The following LHFPL3 variants were observed in gnomAD, a reference collection of about 807,000 sequenced individuals.
The protein encoded by LHFPL3 is LHFPL tetraspan subfamily member 3, also known as LHFPL tetraspan subfamily member 3 protein.
A neutral mutation model predicts 19.3 loss-of-function variants in LHFPL3; 5 were observed. The observed-to-expected ratio is 0.26, with a 90% CI of 0.14 to 0.54. The LOEUF is 0.54. Ranked by LOEUF, LHFPL3 falls within the 20% of genes least tolerant of loss-of-function variation. The pLI, the probability that LHFPL3 is intolerant of heterozygous loss-of-function variation, is 0.94. For missense variants in LHFPL3, 249 were observed against 307.4 expected (o/e 0.81, Z 1.42); for synonymous variants, 133 against 126.2 (o/e 1.05, Z -0.36).
chr7:104,354,237 C>T (rs1790230559), intron 1 of LHFPL3, among the ~76,000 whole-genome samples: 1 of 152,238 alleles, frequency 6.6e-6, no homozygotes, highest in South Asian at 2.1e-4. Context: ...TTGCTGACGA[C>T]TGCACAGTAC....
At chr7:104,341,479 C>T (rs1227192706) in intron 1 of LHFPL3, among the ~76,000 whole-genome samples, 21 of 152,206 alleles carry the variant, frequency 1.4e-4, no homozygotes, top group Non-Finnish European at 4.4e-5. Context: ...TTTACATATT[C>T]ATCCAAATTC....
chr7:104,578,738 T>G (rs1173142187), intron 1 of LHFPL3, among the ~76,000 whole-genome samples: 1 of 152,082 alleles, frequency 6.6e-6, no homozygotes, highest in Non-Finnish European at 1.5e-5. Context: ...ACTATACCCC[T>G]TAATCTCTTC....
intron 1 of LHFPL3, among the ~76,000 whole-genome samples, chr7:104,549,330 C>T (rs1794627166): frequency 6.6e-6 from 1 of 151,858 alleles, no homozygotes; most frequent in Non-Finnish European, 1.5e-5. Flanking sequence ...CAGTGTTACG[C>T]ACATGGTAAA....
intron 1 of LHFPL3, among the ~76,000 whole-genome samples, chr7:104,568,611 T>C (rs537482762): frequency 1.3e-5 from 2 of 152,242 alleles, no homozygotes; most frequent in Non-Finnish European, 2.9e-5. Flanking sequence ...TCTAGCCTAC[T>C]GGTGTCTGTA....
chr7:104,520,497 G>A (rs1345259428), intron 1 of LHFPL3, among the ~76,000 whole-genome samples: 1 of 143,244 alleles, frequency 7.0e-6, no homozygotes, highest in Non-Finnish European at 1.5e-5. Flanking sequence ...TTTTTCTATT[G>A]ATTGGAATAG....
chr7:104,801,561 G>T (rs1790246391), intron 2 of LHFPL3, among the ~76,000 whole-genome samples: 1 of 151,720 alleles, frequency 6.6e-6, no homozygotes, highest in Admixed American at 6.6e-5. Flanking sequence ...ATGTTTGTTT[G>T]TTTTGTTTTG....
At chr7:104,842,438 T>G (rs1281748225) in intron 2 of LHFPL3, among the ~76,000 whole-genome samples, 1 of 152,078 alleles carries the variant, frequency 6.6e-6, no homozygotes, top group Non-Finnish European at 1.5e-5. Flanking sequence ...AGACTGCCAT[T>G]GAACACTTGA....
chr7:104,709,982 T>G (rs1584491388), intron 1 of LHFPL3, among the ~76,000 whole-genome samples: 1 of 151,850 alleles, frequency 6.6e-6, no homozygotes, highest in African/African-American at 2.4e-5. Context: ...GGCTGGGAGG[T>G]GGAGGTTGTA....
At position 104,525,606 on chromosome 7, in the gene LHFPL3, GTT is replaced by G. The variant is rs1361749453; in HGVS notation, c.445+196399_445+196400del. ...TCTTCTTGGTTTTTTTGTTTTTTGG[GTT>G]TTTTTTTTTTTTTTTTGAGATGGAG... On this transcript the variant is annotated intron_variant, in intron 1 of 2. Transcript: ENST00000424859. Among the ~76,000 whole-genome samples, 447 of 111,960 alleles carry G rather than the reference GTT, an allele frequency of 4.0e-3. 1 individual carries two copies. The highest frequency in any genetic ancestry group is 0.014 in the African/African-American group (413 of 29,390). The allele number at this position is 111,960 out of a possible 152,430, so 73.5% of individuals were successfully genotyped here. A position where few individuals can be genotyped will look rare whatever the true frequency, so the allele number is the denominator to read the frequency against.
chr7:104,615,365 T>C (rs1791312663), intron 1 of LHFPL3, among the ~76,000 whole-genome samples: 1 of 152,232 alleles, frequency 6.6e-6, no homozygotes, highest in African/African-American at 2.4e-5. Flanking sequence ...TTGATCATTC[T>C]TTTTTAAAAA....
At chr7:104,361,987 CTG>C (rs1790397065) in intron 1 of LHFPL3, among the ~76,000 whole-genome samples, 1 of 152,242 alleles carries the variant, frequency 6.6e-6, no homozygotes, top group Non-Finnish European at 1.5e-5. Flanking sequence ...CTGACCAACA[CTG>C]AGGTTCTCCA....
intron 2 of LHFPL3, among the ~76,000 whole-genome samples, chr7:104,754,447 T>C (rs1562983424): frequency 6.6e-6 from 1 of 152,326 alleles, no homozygotes; most frequent in East Asian, 1.9e-4. Context: ...ACAGGCTTTG[T>C]TGTCAGCCTG....
At chr7:104,691,526 A>C in intron 1 of LHFPL3, among the ~76,000 whole-genome samples, 1 of 152,248 alleles carries the variant, frequency 6.6e-6, no homozygotes, top group Non-Finnish European at 1.5e-5. Context: ...AGTGGGCAGA[A>C]CTTTAAGCAG....
intron 1 of LHFPL3, among the ~76,000 whole-genome samples, chr7:104,472,544 T>C (rs1792932294): frequency 6.6e-6 from 1 of 152,222 alleles, no homozygotes; most frequent in Non-Finnish European, 1.5e-5. Context: ...CCCTTTTACA[T>C]GCATATGTAT....
At chr7:104,354,243 A>AGT (rs1412678192) in intron 1 of LHFPL3, among the ~76,000 whole-genome samples, 3 of 152,230 alleles carry the variant, frequency 2.0e-5, no homozygotes, top group African/African-American at 7.2e-5. Context: ...ACGACTGCAC[A>AGT]GTACTCCAGA....
chr7:104,425,333 C>T (rs568489594), intron 1 of LHFPL3, among the ~76,000 whole-genome samples: 12 of 151,874 alleles, frequency 7.9e-5, no homozygotes, highest in Admixed American at 3.9e-4. Flanking sequence ...TATTCCAACA[C>T]GTAGTTTTGT....
At chr7:104,697,235 G>T (rs1348631222) in intron 1 of LHFPL3, among the ~76,000 whole-genome samples, 1 of 152,276 alleles carries the variant, frequency 6.6e-6, no homozygotes, top group South Asian at 2.1e-4. Context: ...TTTGCGGGGA[G>T]AGCACAAAGA....
chr7:104,872,727 T>C (rs1198695228), intron 2 of LHFPL3, among the ~76,000 whole-genome samples: 1 of 151,790 alleles, frequency 6.6e-6, no homozygotes, highest in African/African-American at 2.4e-5. Flanking sequence ...CACTGGAAGG[T>C]CCTTGGGGAC....
chr7:104,423,584 C>G (rs1791776562), intron 1 of LHFPL3, among the ~76,000 whole-genome samples: 1 of 152,146 alleles, frequency 6.6e-6, no homozygotes, highest in Non-Finnish European at 1.5e-5. Context: ...TCACTTGAGC[C>G]CAGGAAGTCA....
Sources: allele counts gnomAD v4.1 joint callset (sites outside exome capture counted in the v4.1 genomes callset), GRCh38; gene constraint gnomAD v4.1.1; transcripts MANE v1.5; gene names NCBI Gene and HGNC (gene_info 2026-07-23, HGNC 2026-07-21).